CFAP44: variants seen among roughly 807,000 people sequenced by gnomAD.
CFAP44 encodes the protein cilia- and flagella-associated protein 44.
A neutral mutation model predicts 216.2 loss-of-function variants in CFAP44; 134 were observed. That is an observed-to-expected ratio of 0.62 (90% CI 0.54 to 0.72). The LOEUF (loss-of-function observed/expected upper bound fraction) is 0.72, where lower values mean the gene tolerates loss of function less well. CFAP44 is among the 30% of genes least tolerant of loss of function. The pLI is 0.00. For synonymous variants in CFAP44, 700 were observed against 727.6 expected (o/e 0.96, Z 0.61); for missense variants, 2,035 against 2,182.1 (o/e 0.93, Z 1.34).
intron 15 of CFAP44, among the ~76,000 whole-genome samples, chr3:113,383,368 G>A (rs555027632): frequency 1.3e-5 from 2 of 152,104 alleles, no homozygotes; most frequent in East Asian, 3.9e-4. Flanking sequence ...ACAGGACAGA[G>A]AGAAGAAACT....
Position 113,366,008 on chromosome 3 carries a change from T to C in CFAP44, c.2715+31A>G, listed in dbSNP as rs1158408323. The stretch of plus-strand genomic sequence containing the variant: ...TATCACTATTTTTAAATACAGTTTG[T>C]TATTAATTAACTGGTTAATTAATTA... On this transcript the variant is annotated intron_variant, in intron 19 of 34. Coordinates refer to ENST00000393845, the MANE Select transcript of CFAP44 (RefSeq NM_001164496.2). 12 of 1,564,834 alleles carry C rather than the reference T, an allele frequency of 7.7e-6. 1 individual carries two copies. The South Asian group carries it at 1.3e-4, about 17-fold the overall frequency.
At position 113,407,034 on chromosome 3, in the gene CFAP44, C is replaced by T. The variant is rs866997114; in HGVS notation, c.898G>A (p.Glu300Lys). ...AGACCGGTGAACGTAAAAGCCATTT[C>T]CCAGAACCTACAAACAAGAAAGAGA... ...TSGSGHIKFW[E>K]MAFTFTGLKL... The change falls in exon 8 of 35, where the codon GAA (glutamate) becomes AAA (lysine). Residue 300 changes from glutamate to lysine, a missense_variant. Transcript: ENST00000393845. 1 of 1,613,636 alleles carries T rather than the reference C, an allele frequency of 6.2e-7. No individual in the cohort carries two copies. The highest frequency in any genetic ancestry group is 1.7e-5 in the Admixed American group (1 of 59,982).
chr3:113,425,343 G>A (rs1188170132), intron 4 of CFAP44, among the ~76,000 whole-genome samples: 1 of 152,230 alleles, frequency 6.6e-6, no homozygotes, highest in East Asian at 1.9e-4. Flanking sequence ...GGGAAGCACA[G>A]TACATTGCCA....
intron 17 of CFAP44, among the ~76,000 whole-genome samples, chr3:113,373,766 C>T (rs979207187): frequency 1.3e-4 from 20 of 152,000 alleles, no homozygotes; most frequent in Non-Finnish European, 2.6e-4. Context: ...TAATAAAAAC[C>T]TCATGATGAT....
chr3:113,354,922 C>A (rs1950480027), intron 22 of CFAP44, among the ~76,000 whole-genome samples: 1 of 152,194 alleles, frequency 6.6e-6, no homozygotes, highest in African/African-American at 2.4e-5. Context: ...AGGACCCTCA[C>A]AGAGTCCACT....
In CFAP44 at chr3:113,415,747, T is replaced by C. The variant is rs181718778; in HGVS notation, c.673+778A>G. The stretch of plus-strand genomic sequence containing the variant: ...GAGAGACTGTTATGATTTCAACTCT[T>C]ATGCATTTGCTGAGGAGTGTTTTAC... On this transcript the variant is annotated intron_variant, in intron 6 of 34. Transcript: ENST00000393845. 6.2e-4 allele frequency among the ~76,000 whole-genome samples: 94 copies of C among 152,310 alleles called. 1 individual carries two copies. The highest frequency in any genetic ancestry group is 1.1e-3 in the Non-Finnish European group (72 of 68,012).
chr3:113,436,410 T>C (rs1935242316), intron 1 of CFAP44, among the ~76,000 whole-genome samples: 1 of 152,234 alleles, frequency 6.6e-6, no homozygotes, highest in Non-Finnish European at 1.5e-5. Context: ...GAGCATATTA[T>C]TATGCTAGGC....
chr3:113,388,851 A>G (rs1364277112), intron 15 of CFAP44, among the ~76,000 whole-genome samples: 1 of 152,228 alleles, frequency 6.6e-6, no homozygotes, highest in African/African-American at 2.4e-5. Flanking sequence ...TATGCATCCA[A>G]TGCTGGAGAA....
At chr3:113,307,623 G>A (rs1949998666) in intron 29 of CFAP44, among the ~76,000 whole-genome samples, 1 of 152,166 alleles carries the variant, frequency 6.6e-6, no homozygotes, top group African/African-American at 2.4e-5. Flanking sequence ...TGTATCCTTA[G>A]CATCAGATAA....
intron 24 of CFAP44, among the ~76,000 whole-genome samples, chr3:113,339,337 T>C (rs897732189): frequency 4.6e-5 from 7 of 152,210 alleles, no homozygotes; most frequent in Non-Finnish European, 1.5e-5. Context: ...GCAGCCCTCA[T>C]TCCTTTCCTT....
At chr3:113,371,134 T>C (rs1933147881) in intron 18 of CFAP44, among the ~76,000 whole-genome samples, 1 of 152,140 alleles carries the variant, frequency 6.6e-6, no homozygotes, top group South Asian at 2.1e-4. Context: ...AGAATCAATA[T>C]CATGAACATG....
intron 26 of CFAP44, among the ~76,000 whole-genome samples, chr3:113,328,720 AAAAAAAAAC>A (rs1950214229): frequency 4.4e-5 from 6 of 137,854 alleles, no homozygotes; most frequent in Non-Finnish European, 7.8e-5. Context: ...AAAAAAAAAA[AAAAAAAAAC>A]AGAGAGAGAA....
intron 22 of CFAP44, among the ~76,000 whole-genome samples, chr3:113,348,670 G>A (rs553708933): frequency 6.6e-6 from 1 of 152,146 alleles, no homozygotes; most frequent in African/African-American, 2.4e-5. Context: ...ATCTCCAAGG[G>A]ACCACAAAAA....
intron 17 of CFAP44, among the ~76,000 whole-genome samples, chr3:113,375,239 G>T (rs184174498): frequency 1.3e-5 from 2 of 152,310 alleles, no homozygotes; most frequent in Admixed American, 1.3e-4. Context: ...GGATGAGGAG[G>T]ACGGTAGAAC....
chr3:113,394,288 ACTT>A (rs1286786327), intron 15 of CFAP44, among the ~76,000 whole-genome samples: 1 of 152,130 alleles, frequency 6.6e-6, no homozygotes, highest in Non-Finnish European at 1.5e-5. Flanking sequence ...CCTTCAAGCT[ACTT>A]CTTTAATGTC....
chr3:113,392,543 A>C (rs908609406), intron 15 of CFAP44, among the ~76,000 whole-genome samples: 6 of 152,208 alleles, frequency 3.9e-5, no homozygotes, highest in Non-Finnish European at 5.9e-5. Flanking sequence ...CACATGTCAA[A>C]ATAACTAAAA....
chr3:113,311,202 A>T (rs550831862), intron 28 of CFAP44, among the ~76,000 whole-genome samples: 2 of 152,360 alleles, frequency 1.3e-5, no homozygotes, highest in Admixed American at 6.5e-5. Context: ...GCAAAGCCTC[A>T]GCAAATAAAT....
chr3:113,422,441 C>T (rs974692692), intron 4 of CFAP44, among the ~76,000 whole-genome samples: 2 of 152,168 alleles, frequency 1.3e-5, no homozygotes, highest in Admixed American at 6.5e-5. Context: ...CAACCACAAG[C>T]AGCCTATCTC....
chr3:113,364,629 T>C (rs1185040299), intron 19 of CFAP44, among the ~76,000 whole-genome samples: 1 of 152,152 alleles, frequency 6.6e-6, no homozygotes, highest in African/African-American at 2.4e-5. Context: ...ACTGGGGCAA[T>C]TGTCTCCTGG....
Sources: allele counts gnomAD v4.1 joint callset (sites outside exome capture counted in the v4.1 genomes callset), GRCh38; gene constraint gnomAD v4.1.1; transcripts MANE v1.5; gene names NCBI Gene and HGNC (gene_info 2026-07-23, HGNC 2026-07-21).